NF1: variants seen among roughly 807,000 people sequenced by gnomAD.
NF1 encodes neurofibromin.
NF1 carries 122 observed loss-of-function variants against 325.7 expected under a neutral mutation model. That is an observed-to-expected ratio of 0.37 (90% CI 0.32 to 0.44). NF1 has a LOEUF of 0.44. NF1 is among the 20% of genes least tolerant of loss of function. The pLI is 1.00. For missense variants in NF1, 2,140 were observed against 3,415.4 expected (o/e 0.63, Z 9.31); for synonymous variants, 1,091 against 1,186.0 (o/e 0.92, Z 1.65).
intron 36 of NF1, among the ~76,000 whole-genome samples, chr17:31,280,717 C>T (rs1370576713): frequency 2.0e-5 from 3 of 151,996 alleles, no homozygotes; most frequent in African/African-American, 7.2e-5. Context: ...CTCCATCTTA[C>T]ACATTACTGC....
intron 1 of NF1, chr17:31,128,475 A>G (rs1915074258): frequency 6.6e-6 from 1 of 151,908 alleles, no homozygotes; most frequent in Admixed American, 6.6e-5. Flanking sequence ...TTTCCTTTCC[A>G]TATTTAGTGC....
At position 31,367,375 on chromosome 17, in the gene NF1, G is replaced by A. The variant is rs1266750093; in HGVS notation, c.8378-6638G>A. ...AGACTTTACTCACCGGTCCCTGTAA[G>A]CTCAGTCTGCCTTAGGCACTTTAGG... On this transcript the variant is annotated intron_variant, in intron 57 of 57. Transcript: ENST00000358273. 6 of 772,342 alleles carry A rather than the reference G, an allele frequency of 7.8e-6. No homozygotes were observed. In the East Asian group the frequency reaches 4.1e-4, roughly 52 times the overall value. 47.8% of individuals were successfully genotyped at this position (772,342 alleles called of 1,614,324 possible). A position where few individuals can be genotyped will look rare whatever the true frequency, so the allele number is the denominator to read the frequency against.
At chr17:31,109,887 T>C (rs770596620) in intron 1 of NF1, among the ~76,000 whole-genome samples, 1 of 152,238 alleles carries the variant, frequency 6.6e-6, no homozygotes, top group African/African-American at 2.4e-5. Context: ...GTTTTAACTC[T>C]TCTGTTAATT....
intron 2 of NF1, among the ~76,000 whole-genome samples, chr17:31,158,391 T>C (rs1338417214): frequency 6.6e-6 from 1 of 152,210 alleles, no homozygotes; most frequent in Non-Finnish European, 1.5e-5. Context: ...GTAGCTCCTC[T>C]GTTGCAGTGT....
intron 1 of NF1, among the ~76,000 whole-genome samples, chr17:31,109,895 A>G (rs1286461601): frequency 6.6e-6 from 1 of 152,062 alleles, no homozygotes; most frequent in Non-Finnish European, 1.5e-5. Context: ...TCTTCTGTTA[A>G]TTTATCCATT....
intron 8 of NF1, among the ~76,000 whole-genome samples, chr17:31,197,511 T>C (rs567874196): frequency 6.6e-6 from 1 of 152,266 alleles, no homozygotes; most frequent in South Asian, 2.1e-4. Context: ...TGTAGTTTTT[T>C]ATTAAGTTTT....
intron 1 of NF1, among the ~76,000 whole-genome samples, chr17:31,150,896 A>G (rs950220250): frequency 4.6e-5 from 7 of 151,954 alleles, no homozygotes; most frequent in Non-Finnish European, 7.4e-5. Context: ...TAGCCAGGCA[A>G]TGGTGGTGCA....
chr17:31,185,278 G>A (rs1012320040), intron 8 of NF1, among the ~76,000 whole-genome samples: 1 of 152,096 alleles, frequency 6.6e-6, no homozygotes, highest in African/African-American at 2.4e-5. Flanking sequence ...CCCATGAGGA[G>A]GTGCGCTACA....
Position 31,336,486 on chromosome 17 carries a change from C to A in NF1, c.6147+13C>A, listed in dbSNP as rs2069672707. On this transcript the variant is annotated intron_variant, in intron 41 of 57. Transcript: ENST00000358273. This position sits in a 1 kb window ranked among gnomAD's most constrained non-coding sequence, Gnocchi z 5.5. ...GGTTTCAAGCAAGGTAATCACTTTTCTTTTGCCTTCTGTACTATAGCATAT... is the reference window on the plus strand; with the variant it reads ...GGTTTCAAGCAAGGTAATCACTTTTATTTTGCCTTCTGTACTATAGCATAT... 6.2e-7 allele frequency: 1 copy of A among 1,613,798 alleles called. No individual in the cohort carries two copies. Among genetic ancestry groups the A allele is most frequent in the Non-Finnish European group, 8.5e-7 (1 of 1,179,956 alleles).
chr17:31,334,291 A>C (rs960450727), intron 39 of NF1, among the ~76,000 whole-genome samples: 1 of 151,288 alleles, frequency 6.6e-6, no homozygotes, highest in African/African-American at 2.4e-5. Flanking sequence ...AGGAGACTCC[A>C]TCTCAAAAAA....
intron 24 of NF1, among the ~76,000 whole-genome samples, 184 bp from the exon 25 acceptor site, chr17:31,231,889 G>C (rs1242267023): frequency 6.6e-6 from 1 of 152,006 alleles, no homozygotes; most frequent in Admixed American, 6.6e-5. Context: ...CATTTGAGAT[G>C]ATTTTGTATT....
At chr17:31,342,140 G>A (rs2069840514) in intron 47 of NF1, among the ~76,000 whole-genome samples, 1 of 152,136 alleles carries the variant, frequency 6.6e-6, no homozygotes, top group Non-Finnish European at 1.5e-5. Context: ...CCTCCATTTT[G>A]CAAATTAGAA....
intron 57 of NF1, 151 bp from the exon 58 acceptor site, chr17:31,373,862 A>T (rs1296750700): frequency 2.0e-5 from 19 of 956,448 alleles, no homozygotes; most frequent in Non-Finnish European, 3.1e-5. Flanking sequence ...ATCTAAGTTC[A>T]TGTAAGTACA....
In NF1 at chr17:31,357,088, C is replaced by G. The variant is rs1555536721; in HGVS notation, c.7867C>G (p.Leu2623Val). 6.2e-7 allele frequency: 1 copy of G among 1,613,404 alleles called. No homozygotes were observed. Among genetic ancestry groups the G allele is most frequent in the Non-Finnish European group, 8.5e-7 (1 of 1,179,928 alleles). Residue 2623 changes from leucine to valine, a missense_variant and splice_region_variant, in exon 53 of 58, where the codon CTA becomes GTA. Coordinates refer to ENST00000358273, the MANE Select transcript of NF1 (RefSeq NM_001042492.3). The part of the protein sequence containing the change: ...PKIQALLLTV[L>V]ATLVKYTTDE... ...GATCCAGGCGCTGCTTCTTACTGTTCTAGTAAGGATTTCCCCTTTTTGAGT... is the reference window on the plus strand; with the variant it reads ...GATCCAGGCGCTGCTTCTTACTGTTGTAGTAAGGATTTCCCCTTTTTGAGT...
chr17:31,161,335 G>A (rs998345920), intron 3 of NF1, among the ~76,000 whole-genome samples: 6 of 152,196 alleles, frequency 3.9e-5, no homozygotes, highest in East Asian at 1.9e-4. Context: ...TGTGAAGTCT[G>A]TTTATGTACT....
chr17:31,256,037 C>A (rs980080013), intron 31 of NF1, among the ~76,000 whole-genome samples: 4 of 152,058 alleles, frequency 2.6e-5, no homozygotes, highest in African/African-American at 7.2e-5. Context: ...TTAAAATAAT[C>A]TATTTTAAAA....
Position 31,294,912 on chromosome 17 carries a change from C to T in NF1, c.4835+29573C>T, listed in dbSNP as rs2151498402. ...ATGTTAAGACTGGCTTTCTTGAATA[C>T]TTAAATATAGCTCGAATCACTGGTT... is the stretch of plus-strand genomic sequence containing the variant. On this transcript the variant is annotated intron_variant, in intron 36 of 57. Transcript: ENST00000358273. The T allele has an allele frequency of 3.3e-6, 5 of 1,530,472 alleles. No homozygotes were observed. In the South Asian group the frequency reaches 5.6e-5, roughly 17 times the overall value. 94.8% of individuals were successfully genotyped at this position (1,530,472 alleles called of 1,614,324 possible).
In NF1 at chr17:31,164,911, T is replaced by C. The variant is rs566711629; in HGVS notation, c.479+1535T>C. ...TTTTGAGCAGTAACGTTTTATATTA[T>C]GAATAATAATACAGTGGTTGAGTCA... is the stretch of plus-strand genomic sequence containing the variant. On this transcript the variant is annotated intron_variant, in intron 4 of 57. Coordinates refer to ENST00000358273, the MANE Select transcript of NF1 (RefSeq NM_001042492.3). 9.2e-5 allele frequency among the ~76,000 whole-genome samples: 14 copies of C among 152,292 alleles called. No individual in the cohort carries two copies. The South Asian group carries it at 2.7e-3, about 29-fold the overall frequency.
At chr17:31,201,565 A>G in intron 11 of NF1, 80 bp downstream of exon 11, 1 of 1,031,154 alleles carries the variant, frequency 9.7e-7, no homozygotes, top group Non-Finnish European at 1.5e-6. Flanking sequence ...TAAGAAATGC[A>G]CTCTTGGTTT....
Sources: gnomAD v4.1 joint callset for allele counts (sites outside exome capture counted in the v4.1 genomes callset) on GRCh38, gnomAD v4.1.1 for gene constraint, Gnocchi (gnomAD v3.1) non-coding constraint, MANE v1.5 for transcripts, NCBI Gene and HGNC (gene_info 2026-07-23, HGNC 2026-07-21) for gene names.